The following RBPJ variants were observed in gnomAD, a reference collection of about 807,000 sequenced individuals.
The protein encoded by RBPJ is recombination signal binding protein for immunoglobulin kappa J region.
RBPJ carries 9 observed loss-of-function variants against 67.8 expected under a neutral mutation model. That is an observed-to-expected ratio of 0.13 (90% CI 0.08 to 0.23). RBPJ has a LOEUF of 0.23. RBPJ is among the 10% of genes least tolerant of loss of function. The pLI, the probability that RBPJ is intolerant of heterozygous loss-of-function variation, is 1.00. For missense variants in RBPJ, 305 were observed against 595.6 expected (o/e 0.51, Z 5.08); for synonymous variants, 198 against 203.3 (o/e 0.97, Z 0.22).
chr4:26,184,861 G>A (rs527879563), intron 1 of RBPJ, among the ~76,000 whole-genome samples: 1 of 152,140 alleles, frequency 6.6e-6, no homozygotes, highest in Non-Finnish European at 1.5e-5. Context: ...GTTATGTTGG[G>A]CCGGGTGCGG....
chr4:26,184,806 A>G (rs940212091), intron 1 of RBPJ, among the ~76,000 whole-genome samples: 4 of 152,204 alleles, frequency 2.6e-5, no homozygotes, highest in African/African-American at 9.6e-5. Context: ...AGGCACAGTA[A>G]TAGATACCAA....
chr4:26,225,538 A>G (rs991313718), intron 1 of RBPJ, among the ~76,000 whole-genome samples: 1 of 152,190 alleles, frequency 6.6e-6, no homozygotes, highest in African/African-American at 2.4e-5. Context: ...ATGTGACATT[A>G]TGCATTTGTC....
chr4:26,235,045 A>G (rs1370943149), intron 1 of RBPJ, among the ~76,000 whole-genome samples: 2 of 152,140 alleles, frequency 1.3e-5, no homozygotes, highest in South Asian at 2.1e-4. Flanking sequence ...TAAAGCCTTC[A>G]TAACAACAGG....
At chr4:26,380,094 T>C (rs1194127887) in intron 1 of RBPJ, among the ~76,000 whole-genome samples, 1 of 152,178 alleles carries the variant, frequency 6.6e-6, no homozygotes, top group Non-Finnish European at 1.5e-5. Context: ...AGTGTCTTAT[T>C]CTTCTTGTGT....
chr4:26,221,226 G>A (rs1248383549), intron 1 of RBPJ, among the ~76,000 whole-genome samples: 1 of 152,120 alleles, frequency 6.6e-6, no homozygotes, highest in African/African-American at 2.4e-5. Context: ...AAGTAGCTGG[G>A]ACTACAGGCG....
chr4:26,214,966 G>GGCA (rs1718618682), intron 1 of RBPJ, among the ~76,000 whole-genome samples: 1 of 24,896 alleles, frequency 4.0e-5, no homozygotes, highest in South Asian at 1.5e-3. Context: ...GAAGGAGGGA[G>GGCA]GGAGGGAGGG....
In RBPJ at chr4:26,430,642, T is replaced by G. The variant is rs1225710826; in HGVS notation, c.1149-50T>G. 6 of 1,584,296 alleles carry G rather than the reference T, an allele frequency of 3.8e-6. No homozygotes were observed. Among genetic ancestry groups the G allele is most frequent in the African/African-American group, 1.3e-5 (1 of 74,196 alleles). ...CTTGTGTTAAGTCTCATTTTTAACA[T>G]GTACTTTGCTTTTTAAAGTGTTTTT... On this transcript the variant is annotated intron_variant, in intron 10 of 10. Coordinates refer to ENST00000355476, the MANE Select transcript of RBPJ (RefSeq NM_015874.6). The surrounding 1 kb of genome is among the most constrained non-coding windows in gnomAD (Gnocchi z 4.1).
rs141747635 is a variant in RBPJ at position 26,403,496 on chromosome 4, G to A, written c.60-2679G>A. On this transcript the variant is annotated intron_variant, in intron 2 of 10. Transcript: ENST00000355476. The stretch of plus-strand genomic sequence containing the variant: ...TTTCATCACCCAGGTATTACGCCCA[G>A]TACCCAATAGTTATTTTTTCTGCTC... 2.0e-5 allele frequency among the ~76,000 whole-genome samples: 3 copies of A among 152,196 alleles called. No individual in the cohort carries two copies. The East Asian group carries it at 5.8e-4, about 29-fold the overall frequency.
chr4:26,207,966 A>C (rs1227951833), intron 1 of RBPJ, among the ~76,000 whole-genome samples: 1 of 152,168 alleles, frequency 6.6e-6, no homozygotes, highest in Non-Finnish European at 1.5e-5. Context: ...CTTTCCACAG[A>C]CACTGTTTCC....
At chr4:26,351,014 TATAA>T (rs1463295337) in intron 1 of RBPJ, among the ~76,000 whole-genome samples, 2 of 152,108 alleles carry the variant, frequency 1.3e-5, no homozygotes, top group African/African-American at 4.8e-5. Flanking sequence ...AGCAGTTGGA[TATAA>T]ATAACTCACA....
the RBPJ span, among the ~76,000 whole-genome samples, chr4:26,109,579 C>CTCTCTATA: frequency 2.6e-3 from 76 of 29,394 alleles, 16 homozygotes; most frequent in African/African-American, 0.015. Context: ...CTCTCTCTCT[C>CTCTCTATA]TATATATATA....
chr4:26,365,103 A>G (rs1219404920), intron 1 of RBPJ, among the ~76,000 whole-genome samples: 7 of 150,916 alleles, frequency 4.6e-5, no homozygotes, highest in African/African-American at 1.7e-4. Flanking sequence ...ATTTATATAT[A>G]GATAATTATA....
intron 1 of RBPJ, among the ~76,000 whole-genome samples, chr4:26,294,369 A>C (rs374630419): frequency 2.0e-5 from 3 of 152,046 alleles, no homozygotes; most frequent in East Asian, 3.9e-4. Flanking sequence ...AGTGCTGGGA[A>C]TACAGGCATG....
Position 26,327,542 on chromosome 4 carries a change from GTTT to G in RBPJ, c.20+6516_20+6518del, listed in dbSNP as rs11350013. Among the ~76,000 whole-genome samples the G allele has an allele frequency of 1.8e-3, 188 of 104,880 alleles. 1 individual carries two copies. Among genetic ancestry groups the G allele is most frequent in the African/African-American group, 6.8e-3 (179 of 26,166 alleles). The allele number at this position is 104,880 out of a possible 152,430, so 68.8% of individuals were successfully genotyped here. A position where few individuals can be genotyped will look rare whatever the true frequency, so the allele number is the denominator to read the frequency against. On this transcript the variant is annotated intron_variant, in intron 1 of 10. Coordinates refer to ENST00000355476, the MANE Select transcript of RBPJ (RefSeq NM_015874.6). ...CTAGAGAATCAAGTTGACCCTGGAG[GTTT>G]TTTTTTTTTTTTTTTTTTTTTGTAT...
the RBPJ span, among the ~76,000 whole-genome samples, chr4:26,146,000 GATC>G: frequency 2.3e-4 from 35 of 152,284 alleles, no homozygotes; most frequent in African/African-American, 8.2e-4. Flanking sequence ...GCAATCGTAT[GATC>G]ATAGGTCACT....
At chr4:26,205,887 C>A (rs1189228832) in intron 1 of RBPJ, among the ~76,000 whole-genome samples, 2 of 151,828 alleles carry the variant, frequency 1.3e-5, no homozygotes, top group East Asian at 3.9e-4. Context: ...GCCGCCACAC[C>A]CAGCCTAAAA....
upstream of RBPJ, among the ~76,000 whole-genome samples, chr4:26,315,632 C>G (rs111613083): frequency 6.6e-6 from 1 of 152,128 alleles, no homozygotes; most frequent in South Asian, 2.1e-4. Flanking sequence ...AAACAGGGTT[C>G]GAGAGCAGAG....
At chr4:26,251,148 G>A (rs1178510562) in intron 1 of RBPJ, among the ~76,000 whole-genome samples, 1 of 152,182 alleles carries the variant, frequency 6.6e-6, no homozygotes, top group Non-Finnish European at 1.5e-5. Context: ...ACCAATGTTG[G>A]TGTCCCTATG....
intron 1 of RBPJ, among the ~76,000 whole-genome samples, chr4:26,293,627 C>T (rs1443287062): frequency 6.7e-6 from 1 of 150,138 alleles, no homozygotes; most frequent in Admixed American, 6.6e-5. Context: ...CAGAGTGAGA[C>T]CATGTCTCCA....
Sources: gnomAD v4.1 joint callset for allele counts (sites outside exome capture counted in the v4.1 genomes callset) on GRCh38, gnomAD v4.1.1 for gene constraint, Gnocchi (gnomAD v3.1) non-coding constraint, MANE v1.5 for transcripts, NCBI Gene and HGNC (gene_info 2026-07-23, HGNC 2026-07-21) for gene names.